CDH4: variants seen among roughly 807,000 people sequenced by gnomAD.
CDH4 encodes cadherin-4.
Under a neutral mutation model 86.0 loss-of-function variants are expected in CDH4, and 33 were observed. The observed-to-expected ratio is 0.38, with a 90% CI of 0.29 to 0.51. The LOEUF is 0.51. Among genes scored for constraint, CDH4 ranks in the 20% least tolerant of loss-of-function variants. The pLI is 0.86. For missense variants in CDH4, 1,114 were observed against 1,307.4 expected (o/e 0.85, Z 2.28); for synonymous variants, 555 against 549.4 (o/e 1.01, Z -0.14).
chr20:61,780,261 C>T (rs11906903), intron 4 of CDH4, among the ~76,000 whole-genome samples: 3,903 of 152,238 alleles, frequency 0.026, 162 homozygotes, highest in African/African-American at 0.088. Flanking sequence ...CAAGCTCCCC[C>T]CTCAGCCTGG....
intron 8 of CDH4, among the ~76,000 whole-genome samples, chr20:61,905,067 T>C (rs1237431130): frequency 6.6e-6 from 1 of 152,204 alleles, no homozygotes; most frequent in Non-Finnish European, 1.5e-5. Context: ...TCGGGATGGG[T>C]GCACAGTTGA....
At chr20:61,391,475 C>T (rs564100056) in intron 2 of CDH4, among the ~76,000 whole-genome samples, 3 of 152,262 alleles carry the variant, frequency 2.0e-5, no homozygotes, top group South Asian at 4.2e-4. Flanking sequence ...TAAGGGACAT[C>T]GCCAGGGCTA....
intron 4 of CDH4, among the ~76,000 whole-genome samples, chr20:61,780,451 C>A (rs545888171): frequency 1.3e-5 from 2 of 152,218 alleles, no homozygotes; most frequent in African/African-American, 4.8e-5. Flanking sequence ...CTGCACCCCC[C>A]ACTAAACCTA....
At chr20:61,427,562 G>A (rs898045115) in intron 2 of CDH4, among the ~76,000 whole-genome samples, 1 of 151,000 alleles carries the variant, frequency 6.6e-6, no homozygotes. Context: ...TTTCATCCCT[G>A]CACTGTCTAC....
chr20:61,291,331 G>A (rs942411580), intron 2 of CDH4, among the ~76,000 whole-genome samples: 3 of 152,194 alleles, frequency 2.0e-5, no homozygotes, highest in Non-Finnish European at 2.9e-5. Flanking sequence ...TCCCATATCC[G>A]GTGACAAGGC....
intron 2 of CDH4, chr20:61,499,552 T>C: frequency 7.9e-7 from 1 of 1,270,854 alleles, no homozygotes; most frequent in Non-Finnish European, 1.0e-6. Context: ...TTTATCTAAC[T>C]GGGCCCTGAT....
rs543828715 is a variant in CDH4, at chr20:61,405,697, A to ATT, written c.169+150773_169+150774dup. On this transcript the variant is annotated intron_variant, in intron 2 of 15. Coordinates refer to ENST00000614565, the MANE Select transcript of CDH4 (RefSeq NM_001794.5). ...TTATAGCTATATCTATGTATCTATA[A>ATT]TTTTTTTTTTTTTTGAGACAGAGTC... 3.1e-3 allele frequency among the ~76,000 whole-genome samples: 447 copies of ATT among 145,712 alleles called. 2 individuals are homozygous for ATT. Among genetic ancestry groups the ATT allele is most frequent in the African/African-American group, 4.9e-3 (195 of 39,862 alleles).
chr20:61,570,676 C>A, intron 2 of CDH4: 3 of 702,358 alleles, frequency 4.3e-6, no homozygotes, highest in Non-Finnish European at 7.8e-6. Context: ...ATCCAGAACT[C>A]AAGTTCCAGA....
In CDH4 at chr20:61,867,973, C is replaced by T. The variant is rs375634220; in HGVS notation, c.878-5755C>T. On this transcript the variant is annotated intron_variant, in intron 6 of 15. Coordinates refer to ENST00000614565, the MANE Select transcript of CDH4 (RefSeq NM_001794.5). ...TTCTATTTCTGCAAAAACTCCACCA[C>T]ATGGAAATGGGGATATTGTTGCTTG... Among the ~76,000 whole-genome samples, 11 of 152,362 alleles carry T rather than the reference C, an allele frequency of 7.2e-5. No individual in the cohort carries two copies. The East Asian group carries it at 9.6e-4, about 13-fold the overall frequency.
At chr20:61,616,576 G>T (rs1172045901) in intron 2 of CDH4, among the ~76,000 whole-genome samples, 1 of 152,204 alleles carries the variant, frequency 6.6e-6, no homozygotes, top group Non-Finnish European at 1.5e-5. Flanking sequence ...GAGCTTACTG[G>T]TAGCATCTGA....
intron 2 of CDH4, among the ~76,000 whole-genome samples, chr20:61,502,580 G>T (rs1309446613): frequency 1.3e-5 from 2 of 152,172 alleles, no homozygotes; most frequent in East Asian, 3.8e-4. Flanking sequence ...CTTTGCTCCT[G>T]AGTCATATGT....
At chr20:61,730,393 T>C (rs73915375) in intron 2 of CDH4, among the ~76,000 whole-genome samples, 4,882 of 152,268 alleles carry the variant, frequency 0.032, 264 homozygotes, top group African/African-American at 0.11. Context: ...GTCATGGAGT[T>C]GGAATCCTAC....
chr20:61,705,104 C>G (rs2087815504), intron 2 of CDH4, among the ~76,000 whole-genome samples: 1 of 152,232 alleles, frequency 6.6e-6, no homozygotes, highest in African/African-American at 2.4e-5. Flanking sequence ...GTTGGCATGT[C>G]CCTCTTTAGG....
chr20:61,790,357 C>G (rs1979109701), intron 4 of CDH4, among the ~76,000 whole-genome samples: 1 of 151,808 alleles, frequency 6.6e-6, no homozygotes, highest in South Asian at 2.1e-4. Context: ...GTCTCTTCAT[C>G]CATCCATTCA....
At chr20:61,798,087 G>A (rs1222656022) in intron 4 of CDH4, among the ~76,000 whole-genome samples, 4 of 152,214 alleles carry the variant, frequency 2.6e-5, no homozygotes, top group Non-Finnish European at 4.4e-5. Context: ...TCACATCCAT[G>A]AGCAGTTCCT....
chr20:61,481,516 T>C (rs752188493), intron 2 of CDH4, among the ~76,000 whole-genome samples: 2 of 152,256 alleles, frequency 1.3e-5, no homozygotes, highest in Non-Finnish European at 2.9e-5. Context: ...ATCCCTTATG[T>C]CATCTGTGCA....
chr20:61,906,891 G>A (rs1600759839), intron 8 of CDH4, among the ~76,000 whole-genome samples: 1 of 152,192 alleles, frequency 6.6e-6, no homozygotes, highest in East Asian at 1.9e-4. Flanking sequence ...AGAGGGCTCA[G>A]GGTCCTGGCA....
At chr20:61,823,571 G>A (rs1981165967) in intron 4 of CDH4, among the ~76,000 whole-genome samples, 1 of 152,166 alleles carries the variant, frequency 6.6e-6, no homozygotes, top group African/African-American at 2.4e-5. Context: ...AGGAGACCAA[G>A]AATTAAGAAG....
intron 8 of CDH4, among the ~76,000 whole-genome samples, chr20:61,908,765 C>T (rs2054819388): frequency 6.6e-6 from 1 of 152,202 alleles, no homozygotes; most frequent in Non-Finnish European, 1.5e-5. Flanking sequence ...GACAGCTGTG[C>T]TTCTCAGGCA....
Sources: allele counts gnomAD v4.1 joint callset (sites outside exome capture counted in the v4.1 genomes callset), GRCh38; gene constraint gnomAD v4.1.1; transcripts MANE v1.5; gene names NCBI Gene and HGNC (gene_info 2026-07-23, HGNC 2026-07-21).